The following ANO10 variants were observed in gnomAD, a reference collection of about 807,000 sequenced individuals.
ANO10 encodes the protein anoctamin-10.
ANO10 carries 77 observed loss-of-function variants against 74.7 expected under a neutral mutation model. The observed-to-expected ratio is 1.03, with a 90% confidence interval of 0.86 to 1.25. The LOEUF (loss-of-function observed/expected upper bound fraction) is 1.25, where lower values mean the gene tolerates loss of function less well. Among genes scored for constraint, ANO10 ranks in the 50% most tolerant of loss-of-function variants. The probability of loss-of-function intolerance (pLI) is 0.00; values close to 1 mark genes in which losing one functional copy is unlikely to be tolerated. For missense variants in ANO10, 721 were observed against 778.1 expected, an observed-to-expected ratio of 0.93 and a Z score of 0.87; for synonymous variants, 279 against 284.9, an observed-to-expected ratio of 0.98 and a Z score of 0.21.
chr3:43,480,085 G>A (rs1402024473), intron 11 of ANO10, among the ~76,000 whole-genome samples: 1 of 152,072 alleles, frequency 6.6e-6, no homozygotes. Flanking sequence ...AACATTCAGA[G>A]AATAAAAAAG....
At chr3:43,688,472 TG>T (rs1164343337) in intron 1 of ANO10, among the ~76,000 whole-genome samples, 2 of 152,236 alleles carry the variant, frequency 1.3e-5, no homozygotes, top group African/African-American at 4.8e-5. Flanking sequence ...ACCCCAGTTT[TG>T]GGAAGGCCTC....
chr3:43,433,524 TAATA>T (rs1297548258), intron 11 of ANO10, among the ~76,000 whole-genome samples: 6 of 152,196 alleles, frequency 3.9e-5, no homozygotes, highest in South Asian at 4.1e-4. Flanking sequence ...TATGATGTGA[TAATA>T]AATAAAGATT....
At chr3:43,413,561 G>A (rs1429706465) in intron 12 of ANO10, among the ~76,000 whole-genome samples, 1 of 151,590 alleles carries the variant, frequency 6.6e-6, no homozygotes, top group Non-Finnish European at 1.5e-5. Context: ...GGCCTCCCCA[G>A]AAGCCAACAC....
chr3:43,655,966 G>T, intron 1 of ANO10, among the ~76,000 whole-genome samples: 1 of 73,172 alleles, frequency 1.4e-5, no homozygotes, highest in East Asian at 4.3e-4. Context: ...ACAGAGTGCC[G>T]ATTGGTGTAT....
intron 12 of ANO10, 108 bp from the exon 13 acceptor site, chr3:43,367,082 G>A: frequency 9.4e-7 from 1 of 1,060,612 alleles, no homozygotes; most frequent in South Asian, 1.4e-5. Context: ...CAGGGAAGTG[G>A]TGACTCTGAT....
Position 43,674,565 on chromosome 3 carries a change from T to A in ANO10, c.-12+16952A>T, listed in dbSNP as rs181593878. ...TTCTCAACACTTAAGACATATTTCA[T>A]GCTTAGCCTTAAATAGAAATGAAAA... On this transcript the variant is annotated intron_variant, in intron 1 of 3. Transcript: ENST00000413397. Among the ~76,000 whole-genome samples the A allele has an allele frequency of 5.3e-5, 8 of 152,322 alleles. No homozygotes were observed. The East Asian group carries it at 1.3e-3, about 26-fold the overall frequency.
chr3:43,465,912 A>G (rs2075591476), intron 11 of ANO10, among the ~76,000 whole-genome samples: 1 of 152,252 alleles, frequency 6.6e-6, no homozygotes, highest in Non-Finnish European at 1.5e-5. Flanking sequence ...ATGTCAGTTT[A>G]TCTTCTCCAA....
intron 12 of ANO10, among the ~76,000 whole-genome samples, chr3:43,395,408 C>CT (rs1253541225): frequency 6.6e-6 from 1 of 152,072 alleles, no homozygotes; most frequent in Admixed American, 6.6e-5. Flanking sequence ...AATATTTTAT[C>CT]TTTTTTTCTG....
At chr3:43,670,311 G>C (rs2084043080) in intron 1 of ANO10, among the ~76,000 whole-genome samples, 1 of 146,290 alleles carries the variant, frequency 6.8e-6, no homozygotes, top group Admixed American at 7.0e-5. Flanking sequence ...GGGTGACAGA[G>C]CAAGACCCTT....
At chr3:43,418,178 G>A (rs2092770376) in intron 12 of ANO10, among the ~76,000 whole-genome samples, 2 of 152,248 alleles carry the variant, frequency 1.3e-5, no homozygotes, top group South Asian at 2.1e-4. Context: ...TCAGGAGGCT[G>A]AGGCAGGGGA....
At chr3:43,569,213 G>A (rs1393119691) in intron 7 of ANO10, among the ~76,000 whole-genome samples, 3 of 134,978 alleles carry the variant, frequency 2.2e-5, no homozygotes, top group East Asian at 4.3e-4. Flanking sequence ...CAACCAAAAA[G>A]AGTCCAGGAC....
At chr3:43,433,364 G>A (rs1359115667) in intron 11 of ANO10, among the ~76,000 whole-genome samples, 1 of 152,058 alleles carries the variant, frequency 6.6e-6, no homozygotes, top group African/African-American at 2.4e-5. Flanking sequence ...TTCTAGAAAC[G>A]CATCTTAGTA....
intron 11 of ANO10, among the ~76,000 whole-genome samples, chr3:43,481,533 T>A (rs947923799): frequency 2.0e-5 from 3 of 152,146 alleles, no homozygotes; most frequent in Non-Finnish European, 2.9e-5. Flanking sequence ...TGCCTCATTA[T>A]ACCCTCCTCC....
chr3:43,518,518 C>G (rs2077809500), intron 11 of ANO10, among the ~76,000 whole-genome samples: 1 of 152,116 alleles, frequency 6.6e-6, no homozygotes, highest in Non-Finnish European at 1.5e-5. Context: ...AGGGAGATAA[C>G]CATGGGGCCT....
chr3:43,510,099 T>C (rs1277992166), intron 11 of ANO10, among the ~76,000 whole-genome samples: 2 of 151,960 alleles, frequency 1.3e-5, no homozygotes, highest in Admixed American at 6.6e-5. Context: ...TTGATGGTGG[T>C]GGTAGATACA....
chr3:43,605,993 C>G (rs2082546052), intron 1 of ANO10, 130 bp from the exon 2 acceptor site: 4 of 979,998 alleles, frequency 4.1e-6, no homozygotes, highest in Non-Finnish European at 6.1e-6. Context: ...TCTCGTGATT[C>G]AGATGGGTTA....
chr3:43,529,897 TA>T (rs1424503342), intron 11 of ANO10, among the ~76,000 whole-genome samples: 2 of 152,010 alleles, frequency 1.3e-5, no homozygotes, highest in Non-Finnish European at 2.9e-5. Context: ...ATATATAACA[TA>T]AAATAATATG....
intron 1 of ANO10, among the ~76,000 whole-genome samples, chr3:43,652,751 G>T (rs1237870655): frequency 6.6e-6 from 1 of 151,726 alleles, no homozygotes; most frequent in Non-Finnish European, 1.5e-5. Flanking sequence ...GCCTTTCAAA[G>T]CATGTTATCA....
intron 1 of ANO10, among the ~76,000 whole-genome samples, chr3:43,659,323 T>A (rs1282552435): frequency 1.3e-5 from 2 of 152,098 alleles, no homozygotes; most frequent in South Asian, 2.1e-4. Context: ...TGTGAGTGAC[T>A]GTACCTGGAG....
Sources: gnomAD v4.1 joint callset for allele counts (sites outside exome capture counted in the v4.1 genomes callset) on GRCh38, gnomAD v4.1.1 for gene constraint, MANE v1.5 for transcripts, NCBI Gene and HGNC (gene_info 2026-07-23, HGNC 2026-07-21) for gene names.